KLRF2: variants seen among roughly 807,000 people sequenced by gnomAD.
KLRF2 encodes the protein killer cell lectin like receptor F2, also known as killer cell lectin-like receptor subfamily F member 2.
KLRF2 carries 28 observed loss-of-function variants against 25.3 expected under a neutral mutation model. The observed-to-expected ratio is 1.11, with a 90% CI of 0.82 to 1.52. The LOEUF is 1.52. KLRF2 is among the 40% of genes most tolerant of loss of function. The pLI is 0.00. For synonymous variants in KLRF2, 73 were observed against 85.0 expected (o/e 0.86, Z 0.78); for missense variants, 265 against 245.8 (o/e 1.08, Z -0.52).
chr12:9,884,522 A>T lies in KLRF2; in HGVS notation c.71-412A>T, dbSNP rs1338635240. Among the ~76,000 whole-genome samples, 11 of 150,420 alleles carry T rather than the reference A, an allele frequency of 7.3e-5. No homozygotes were observed. In the East Asian group the frequency reaches 2.1e-3, roughly 29 times the overall value. On this transcript the variant is annotated intron_variant, in intron 1 of 5. Coordinates refer to ENST00000535540, the MANE Select transcript of KLRF2 (RefSeq NM_001190765.1). Reference sequence around the variant, plus strand: ...TAACACACGTAATTGTGCCTGACATAGATATATACATTTTATATATTATTC... The same window carrying T: ...TAACACACGTAATTGTGCCTGACATTGATATATACATTTTATATATTATTC...
intron 3 of KLRF2, 46 bp from the exon 4 acceptor site, chr12:9,892,974 T>G (rs1862698412): frequency 7.0e-7 from 1 of 1,421,838 alleles, no homozygotes; most frequent in African/African-American, 1.4e-5. Context: ...CTATCTTCCC[T>G]GTTGGCTGTA....
At chr12:9,895,381 G>A (rs760546055) in intron 5 of KLRF2, among the ~76,000 whole-genome samples, 1 of 152,212 alleles carries the variant, frequency 6.6e-6, no homozygotes, top group South Asian at 2.1e-4. Flanking sequence ...GAAGCTGGGA[G>A]AAGTGAATGG....
chr12:9,888,840 C>A (rs922257704), intron 3 of KLRF2, 60 bp downstream of exon 3: 27 of 1,020,336 alleles, frequency 2.6e-5, no homozygotes, highest in Non-Finnish European at 3.8e-5. Flanking sequence ...TTTGGCTTCC[C>A]TCTTCCTGGC....
chr12:9,892,980 C>CTGTAAAGT (rs1233050204), intron 3 of KLRF2, 40 bp from the exon 4 acceptor site: 3 of 1,449,642 alleles, frequency 2.1e-6, no homozygotes, highest in Non-Finnish European at 2.8e-6. Flanking sequence ...TCCCTGTTGG[C>CTGTAAAGT]TGTAAAGTTT....
intron 2 of KLRF2, among the ~76,000 whole-genome samples, chr12:9,887,901 CA>C (rs1862617000): frequency 6.6e-6 from 1 of 150,740 alleles, no homozygotes; most frequent in Non-Finnish European, 1.5e-5. Flanking sequence ...AAAAAATACA[CA>C]AAAATTAGCT....
intron 1 of KLRF2, among the ~76,000 whole-genome samples, 175 bp downstream of exon 1, chr12:9,881,840 G>T (rs1868097751): frequency 6.6e-6 from 1 of 152,094 alleles, no homozygotes; most frequent in South Asian, 2.1e-4. Context: ...TAAAAAGTCT[G>T]CATTTTCAGA....
intron 2 of KLRF2, among the ~76,000 whole-genome samples, chr12:9,886,464 T>C (rs945611548): frequency 1.3e-4 from 20 of 152,192 alleles, no homozygotes; most frequent in Middle Eastern, 3.4e-3. Flanking sequence ...GGGGAGAACC[T>C]TAGTTCAAAT....
At position 9,881,589 on chromosome 12, in the gene KLRF2, T is replaced by C; in HGVS notation, c.-7T>C. On this transcript the variant is annotated 5_prime_UTR_variant, in exon 1 of 6. Transcript: ENST00000535540. The stretch of plus-strand genomic sequence containing the variant: ...TCTGGATAATAAGACATTAGACATT[T>C]GAAGAGATGGAGAATGAAGATGGGT... 6.6e-7 allele frequency: 1 copy of C among 1,524,582 alleles called. No individual in the cohort carries two copies. Among genetic ancestry groups the C allele is most frequent in the Non-Finnish European group, 8.8e-7 (1 of 1,136,664 alleles). 94.4% of individuals were successfully genotyped at this position (1,524,582 alleles called of 1,614,324 possible). A position where few individuals can be genotyped will look rare whatever the true frequency, so the allele number is the denominator to read the frequency against.
chr12:9,881,604 T>G lies in KLRF2; in HGVS notation c.9T>G (p.Asn3Lys), dbSNP rs1030627432. 1.3e-6 allele frequency: 2 copies of G among 1,533,538 alleles called. No individual in the cohort carries two copies. The highest frequency in any genetic ancestry group is 1.7e-6 in the Non-Finnish European group (2 of 1,144,754). The allele number at this position is 1,533,538 out of a possible 1,614,324, so 95.0% of individuals were successfully genotyped here. Residue 3 changes from asparagine to lysine, a missense_variant, in exon 1 of 6, where the codon AAT (asparagine) becomes AAG (lysine). Physicochemically the swap from Asn to Lys is moderately conservative, Grantham distance 94 (BLOSUM62 0). Coordinates refer to ENST00000535540, the MANE Select transcript of KLRF2 (RefSeq NM_001190765.1). ME[N>K]EDGYMTLSFK... ...ATTAGACATTTGAAGAGATGGAGAA[T>G]GAAGATGGGTATATGACGCTGAGTT...
intron 1 of KLRF2, among the ~76,000 whole-genome samples, chr12:9,883,425 C>A (rs1169993683): frequency 1.3e-5 from 2 of 152,314 alleles, no homozygotes; most frequent in South Asian, 2.1e-4. Context: ...GTACTCAGCT[C>A]TCTGTTCACC....
At chr12:9,891,457 C>A (rs1295825671) in intron 3 of KLRF2, among the ~76,000 whole-genome samples, 2 of 152,146 alleles carry the variant, frequency 1.3e-5, no homozygotes, top group African/African-American at 4.8e-5. Context: ...TTGTGTCTGG[C>A]AGCACTCCAG....
chr12:9,891,499 A>G (rs1010454438), intron 3 of KLRF2, among the ~76,000 whole-genome samples: 1 of 152,194 alleles, frequency 6.6e-6, no homozygotes, highest in African/African-American at 2.4e-5. Context: ...GTCAATATCT[A>G]CATAATAAAA....
chr12:9,891,331 T>C (rs1381793281), intron 3 of KLRF2, among the ~76,000 whole-genome samples: 1 of 152,236 alleles, frequency 6.6e-6, no homozygotes, highest in East Asian at 1.9e-4. Context: ...CTTCTTCTTT[T>C]AGAAGATGGG....
At chr12:9,885,448 AC>A (rs1446111125) in intron 2 of KLRF2, among the ~76,000 whole-genome samples, 1 of 151,744 alleles carries the variant, frequency 6.6e-6, no homozygotes, top group Non-Finnish European at 1.5e-5. Flanking sequence ...TATTTGAACA[AC>A]CAAAGAAATT....
chr12:9,894,126 T>TTCTTTC (rs1555127271), intron 5 of KLRF2, among the ~76,000 whole-genome samples: 34 of 130,290 alleles, frequency 2.6e-4, no homozygotes, highest in African/African-American at 9.7e-4. Context: ...TTTCTTTTCT[T>TTCTTTC]TCTCTCTCTC....
intron 2 of KLRF2, among the ~76,000 whole-genome samples, chr12:9,886,697 C>A (rs549804747): frequency 7.4e-6 from 1 of 135,966 alleles, no homozygotes; most frequent in East Asian, 2.2e-4. Context: ...AAGCCATGCT[C>A]TTTTTGATTG....
chr12:9,881,690 G>T lies in KLRF2; in HGVS notation c.70+25G>T, dbSNP rs116321260. 3,327 of 1,484,904 alleles carry T rather than the reference G, an allele frequency of 2.2e-3. 62 individuals carry two copies. In the African/African-American group the frequency reaches 0.041, roughly 18 times the overall value. The allele number at this position is 1,484,904 out of a possible 1,614,324, so 92.0% of individuals were successfully genotyped here. A position where few individuals can be genotyped will look rare whatever the true frequency, so the allele number is the denominator to read the frequency against. On this transcript the variant is annotated intron_variant, in intron 1 of 5. Coordinates refer to ENST00000535540, the MANE Select transcript of KLRF2 (RefSeq NM_001190765.1). ...GGTAGGAATACTGCTCCCCATCACC[G>T]CATTTAAAATTTCATTATTCTTCTA...
chr12:9,889,568 T>C (rs1314953404), intron 3 of KLRF2, among the ~76,000 whole-genome samples: 2 of 152,120 alleles, frequency 1.3e-5, no homozygotes, highest in Admixed American at 6.5e-5. Flanking sequence ...TGTTGGCCTA[T>C]TCTGTGCGTT....
rs994899345 is a variant in KLRF2, at chr12:9,889,346, A to G, written c.217+566A>G. On this transcript the variant is annotated intron_variant, in intron 3 of 5. Transcript: ENST00000535540. ...GGCAGTTTGTCAAATACCAGTCTAG[A>G]TGTCACTGGGAAGATATTTTTTAGA... is the stretch of plus-strand genomic sequence containing the variant. Among the ~76,000 whole-genome samples the G allele has an allele frequency of 3.4e-4, 51 of 152,118 alleles. 2 individuals carry two copies. The highest frequency in any genetic ancestry group is 3.3e-3 in the Admixed American group (50 of 15,280).
Sources: gnomAD v4.1 joint callset for allele counts (sites outside exome capture counted in the v4.1 genomes callset) on GRCh38, gnomAD v4.1.1 for gene constraint, MANE v1.5 for transcripts, NCBI Gene and HGNC (gene_info 2026-07-23, HGNC 2026-07-21) for gene names.